Variants in ATP2C2 observed in about 807,000 individuals in gnomAD.
ATP2C2 encodes ATPase secretory pathway Ca2+ transporting 2.
In ATP2C2, 171 loss-of-function variants were observed where a neutral mutation model predicts 110.8. The ratio of observed to expected loss-of-function variants is 1.54; its 90% confidence interval spans 1.36 to 1.75. ATP2C2 has a LOEUF of 1.75. Among genes scored for constraint, ATP2C2 ranks in the 40% most tolerant of loss-of-function variants. The pLI is 0.00. For missense variants in ATP2C2, 1,963 were observed against 1,235.0 expected, an observed-to-expected ratio of 1.59 and a Z score of -8.84; for synonymous variants, 804 against 508.4, an observed-to-expected ratio of 1.58 and a Z score of -7.82.
rs761275271 is a variant in ATP2C2, at chr16:84,453,236, GTGGGTCCCCGGAGGCT to G, written c.1929+5_1929+20del. The G allele has an allele frequency of 1.9e-6, 3 of 1,614,056 alleles. No homozygotes were observed. The highest frequency in any genetic ancestry group is 2.2e-5 in the South Asian group (2 of 91,080). On this transcript the variant is annotated splice_donor_variant and splice_donor_5th_base_variant and intron_variant, in intron 19 of 26. Transcript: ENST00000262429. LOFTEE classifies it high-confidence loss of function. ...CGAGCTGGCCGACCGCGTGGGGAAG[GTGGGTCCCCGGAGGCT>G]TGGCTGGCAGTGGGGCTGGGTCACA...
chr16:84,406,398 G>A (rs994014243), intron 3 of ATP2C2, among the ~76,000 whole-genome samples: 1 of 152,212 alleles, frequency 6.6e-6, no homozygotes, highest in Non-Finnish European at 1.5e-5. Flanking sequence ...CCTTTTGCAT[G>A]CTCTTGGCCC....
chr16:84,424,589 T>C (rs1484845818), intron 10 of ATP2C2, among the ~76,000 whole-genome samples: 2 of 148,300 alleles, frequency 1.3e-5, no homozygotes, highest in African/African-American at 2.6e-5. Context: ...TTTTTTTTTT[T>C]TTTTTTTTTT....
chr16:84,410,911 C>T (rs932306486), intron 6 of ATP2C2, 146 bp downstream of exon 6: 36 of 764,864 alleles, frequency 4.7e-5, no homozygotes, highest in South Asian at 1.3e-4. Context: ...GCCTGGTCTC[C>T]GCCTGCCAAT....
intron 1 of ATP2C2, among the ~76,000 whole-genome samples, chr16:84,389,941 T>C (rs1904552824): frequency 6.6e-6 from 1 of 152,138 alleles, no homozygotes; most frequent in Admixed American, 6.5e-5. Flanking sequence ...CAGGCTGCTT[T>C]CGAACTCCTG....
At position 84,410,555 on chromosome 16, in the gene ATP2C2, G is replaced by A. The variant is rs763007944; in HGVS notation, c.418-13G>A. Reference sequence around the variant, plus strand: ...GCCTCTGGTACTGACACCCTCCTCCGTTTGCTGTCTAGGCAGTGCTTGTCG... The same window carrying A: ...GCCTCTGGTACTGACACCCTCCTCCATTTGCTGTCTAGGCAGTGCTTGTCG... On this transcript the variant is annotated splice_polypyrimidine_tract_variant and intron_variant, in intron 4 of 26. Coordinates refer to ENST00000262429, the MANE Select transcript of ATP2C2 (RefSeq NM_014861.4). The A allele has an allele frequency of 1.6e-5, 26 of 1,613,552 alleles. No homozygotes were observed. In the South Asian group the frequency reaches 1.9e-4, roughly 12 times the overall value.
At chr16:84,452,451 C>T (rs1178772002) in intron 18 of ATP2C2, among the ~76,000 whole-genome samples, 1 of 151,266 alleles carries the variant, frequency 6.6e-6, no homozygotes, top group East Asian at 1.9e-4. Context: ...CTCTGACCCT[C>T]AGTCTCTTCA....
At position 84,426,962 on chromosome 16, in the gene ATP2C2, G is replaced by C. The variant is rs142094387; in HGVS notation, c.986+1161G>C. Among the ~76,000 whole-genome samples, 570 of 152,314 alleles carry C rather than the reference G, an allele frequency of 3.7e-3. 3 individuals are homozygous for C. The highest frequency in any genetic ancestry group is 0.013 in the African/African-American group (531 of 41,558). On this transcript the variant is annotated intron_variant, in intron 11 of 26. Coordinates refer to ENST00000262429, the MANE Select transcript of ATP2C2 (RefSeq NM_014861.4). ...ATCGTGCAGCGGTTTGACTTTGTCAGTAGTTCTTCTGTGGCTATTTGCCAA... is the reference window on the plus strand; with the variant it reads ...ATCGTGCAGCGGTTTGACTTTGTCACTAGTTCTTCTGTGGCTATTTGCCAA...
chr16:84,415,372 T>G, intron 6 of ATP2C2, 111 bp from the exon 7 acceptor site: 1 of 859,800 alleles, frequency 1.2e-6, no homozygotes, highest in Non-Finnish European at 2.0e-6. Context: ...ACAGGGTTGG[T>G]GTATATTAAA....
At chr16:84,414,752 T>A (rs1007437669) in intron 6 of ATP2C2, among the ~76,000 whole-genome samples, 2 of 152,054 alleles carry the variant, frequency 1.3e-5, no homozygotes, top group Non-Finnish European at 2.9e-5. Flanking sequence ...GCCTGTGCGT[T>A]TAAGGGGGCT....
At chr16:84,410,321 G>A (rs1477420636) in intron 4 of ATP2C2, among the ~76,000 whole-genome samples, 1 of 152,136 alleles carries the variant, frequency 6.6e-6, no homozygotes, top group Non-Finnish European at 1.5e-5. Context: ...AAGATGCGGT[G>A]CCTTAAGTGT....
In ATP2C2 at chr16:84,422,523, A is replaced by G. The variant is rs368931246; in HGVS notation, c.758A>G (p.Gln253Arg). The G allele has an allele frequency of 2.9e-5, 46 of 1,613,914 alleles. No individual in the cohort carries two copies. The highest frequency in any genetic ancestry group is 4.2e-6 in the Non-Finnish European group (5 of 1,179,988). The change falls in exon 8 of 27, where the codon CAG becomes CGG. Residue 253 changes from glutamine to arginine, a missense_variant. Gln to Arg is a conservative substitution (Grantham distance 43, BLOSUM62 1). Transcript: ENST00000262429. ...SNIVFMGTLVQYGRGQGVVIG... is the reference protein window; with the variant it reads ...SNIVFMGTLVRYGRGQGVVIG... ...ATCGTCTTCATGGGGACCCTGGTGC[A>G]GTATGGGAGGGGCCAGGTAAGCCCT...
intron 11 of ATP2C2, among the ~76,000 whole-genome samples, chr16:84,434,188 C>T (rs1367928837): frequency 3.3e-5 from 5 of 152,066 alleles, no homozygotes; most frequent in South Asian, 2.1e-4. Flanking sequence ...GAGGCCGAGG[C>T]GCGTGGATCA....
intron 16 of ATP2C2, among the ~76,000 whole-genome samples, chr16:84,447,908 AT>A (rs1187126012): frequency 3.9e-4 from 4 of 10,288 alleles, no homozygotes; most frequent in African/African-American, 5.9e-4. Context: ...AATTAATATT[AT>A]ATTATCTTAT....
In ATP2C2 at chr16:84,464,125, GCC is replaced by G. The variant is rs950842861; in HGVS notation, c.*396_*397del. 1.4e-4 allele frequency: 23 copies of G among 162,240 alleles called. No homozygotes were observed. The highest frequency in any genetic ancestry group is 5.5e-4 in the African/African-American group (23 of 41,764). The allele number at this position is 162,240 out of a possible 1,614,324, so 10.1% of individuals were successfully genotyped here. A position where few individuals can be genotyped will look rare whatever the true frequency, so the allele number is the denominator to read the frequency against. ...CACTCTGCCCATTGCCCTCCTGGAGGCCCCATTTCCTCATCATAAAATGAGGG... is the reference window on the plus strand; with the variant it reads ...CACTCTGCCCATTGCCCTCCTGGAGGCCATTTCCTCATCATAAAATGAGGG... On this transcript the variant is annotated 3_prime_UTR_variant, in exon 27 of 27. Transcript: ENST00000262429.
chr16:84,461,088 C>G, intron 24 of ATP2C2: 1 of 422,060 alleles, frequency 2.4e-6, no homozygotes, highest in East Asian at 4.1e-5. Flanking sequence ...ACAGGCTGCC[C>G]CCTGTTCCCT....
Position 84,423,882 on chromosome 16 carries a change from C to G in ATP2C2, c.919+619C>G, listed in dbSNP as rs1007000312. Among the ~76,000 whole-genome samples, 5 of 152,192 alleles carry G rather than the reference C, an allele frequency of 3.3e-5. No homozygotes were observed. In the East Asian group the frequency reaches 9.6e-4, roughly 29 times the overall value. ...GACTTCCTGACCTTTGGTAACACAA[C>G]AAACAGCATTGACATGATGCTGCGG... On this transcript the variant is annotated intron_variant, in intron 10 of 26. Transcript: ENST00000262429.
intron 6 of ATP2C2, 98 bp from the exon 7 acceptor site, chr16:84,415,385 A>T (rs1346181238): frequency 2.0e-6 from 2 of 1,015,512 alleles, no homozygotes; most frequent in East Asian, 4.8e-5. Flanking sequence ...ATATTAAAAG[A>T]GAAAAGTGTG....
chr16:84,459,526 T>C (rs1393129169), intron 23 of ATP2C2, 140 bp downstream of exon 23: 1 of 1,551,604 alleles, frequency 6.4e-7, no homozygotes, highest in Non-Finnish European at 8.7e-7. Context: ...AAAACTGAAG[T>C]GTGTTGCACT....
intron 16 of ATP2C2, 81 bp from the exon 17 acceptor site, chr16:84,448,452 A>T: frequency 2.0e-6 from 3 of 1,482,800 alleles, no homozygotes; most frequent in Non-Finnish European, 2.7e-6. Context: ...TGTCTTTGTA[A>T]CCTTGTGCAG....
Sources: allele counts gnomAD v4.1 joint callset (sites outside exome capture counted in the v4.1 genomes callset), GRCh38; gene constraint gnomAD v4.1.1; transcripts MANE v1.5; gene names NCBI Gene and HGNC (gene_info 2026-07-23, HGNC 2026-07-21).